LYST: variants seen among roughly 807,000 people sequenced by gnomAD.
The protein encoded by LYST is lysosomal trafficking regulator.
A neutral mutation model predicts 413.6 loss-of-function variants in LYST; 192 were observed. That is an observed-to-expected ratio of 0.46 (90% CI 0.41 to 0.52). The LOEUF (loss-of-function observed/expected upper bound fraction) is 0.52, where lower values mean the gene tolerates loss of function less well. LYST is among the 20% of genes least tolerant of loss of function. LYST has a pLI of 0.00. For synonymous variants in LYST, 1,525 were observed against 1,567.3 expected (o/e 0.97, Z 0.64); for missense variants, 3,815 against 4,499.9 (o/e 0.85, Z 4.35).
chr1:235,812,264 G>A (rs1455202056), intron 4 of LYST, among the ~76,000 whole-genome samples: 1 of 152,104 alleles, frequency 6.6e-6, no homozygotes, highest in Non-Finnish European at 1.5e-5. Flanking sequence ...AGCACTTTGG[G>A]AGGCTGTGGT....
At chr1:235,821,774 T>C (rs1402403140) in intron 3 of LYST, among the ~76,000 whole-genome samples, 2 of 152,256 alleles carry the variant, frequency 1.3e-5, no homozygotes, top group Non-Finnish European at 2.9e-5. Context: ...AACAAGTCAA[T>C]GGCAACAGGA....
intron 44 of LYST, among the ~76,000 whole-genome samples, chr1:235,708,056 G>GT (rs1662123638): frequency 6.6e-6 from 1 of 152,068 alleles, no homozygotes; most frequent in Admixed American, 6.5e-5. Flanking sequence ...TCTACCTATA[G>GT]TAAGTAGCCA....
At chr1:235,663,207 C>T (rs1658175031) in intron 52 of LYST, 129 bp from the exon 53 acceptor site, 1 of 698,430 alleles carries the variant, frequency 1.4e-6, no homozygotes, top group Non-Finnish European at 2.6e-6. Flanking sequence ...AACTAAATGA[C>T]TGCCTACAAC....
chr1:235,821,190 C>A (rs998590714), intron 3 of LYST, among the ~76,000 whole-genome samples: 2 of 152,198 alleles, frequency 1.3e-5, no homozygotes, highest in Admixed American at 6.5e-5. Flanking sequence ...ACAATCCCAG[C>A]ACTTTGGGAG....
At chr1:235,745,018 C>T (rs1166454475) in intron 29 of LYST, among the ~76,000 whole-genome samples, 1 of 151,848 alleles carries the variant, frequency 6.6e-6, no homozygotes, top group Admixed American at 6.6e-5. Flanking sequence ...CTGTCTTCCT[C>T]GGGTTACCTG....
intron 2 of LYST, among the ~76,000 whole-genome samples, chr1:235,831,198 T>G (rs1229372205): frequency 6.6e-6 from 1 of 152,150 alleles, no homozygotes; most frequent in Non-Finnish European, 1.5e-5. Flanking sequence ...ATAAGACATG[T>G]ATTGCCTCAC....
At position 235,810,685 on chromosome 1, in the gene LYST, T is replaced by C. The variant is rs538682312; in HGVS notation, c.284-151A>G. 26 of 685,088 alleles carry C rather than the reference T, an allele frequency of 3.8e-5. No homozygotes were observed. The South Asian group carries it at 4.1e-4, about 11-fold the overall frequency. 42.4% of individuals were successfully genotyped at this position (685,088 alleles called of 1,614,324 possible). On this transcript the variant is annotated intron_variant, in intron 4 of 52. Coordinates refer to ENST00000389793, the MANE Select transcript of LYST (RefSeq NM_000081.4). Reference sequence around the variant, plus strand: ...GGGCTGATTTCCTTCATTTATGTCATATCTCTGGGTTACCTCCTCTCACAC... The same window carrying C: ...GGGCTGATTTCCTTCATTTATGTCACATCTCTGGGTTACCTCCTCTCACAC...
intron 19 of LYST, among the ~76,000 whole-genome samples, chr1:235,771,913 G>GTTTTTTTTTT (rs1187587312): frequency 2.1e-4 from 20 of 95,174 alleles, no homozygotes; most frequent in African/African-American, 3.4e-4. Flanking sequence ...AGGTTTTTTA[G>GTTTTTTTTTT]TTTGTTTTTT....
At chr1:235,816,470 TAA>T (rs199654567) in intron 3 of LYST, among the ~76,000 whole-genome samples, 1 of 138,426 alleles carries the variant, frequency 7.2e-6, no homozygotes. Flanking sequence ...AAAATAAAAA[TAA>T]AAAAAAAAAG....
Position 235,755,403 on chromosome 1 carries a change from G to T in LYST, c.7229+75C>A, listed in dbSNP as rs1666930440. On this transcript the variant is annotated intron_variant, in intron 25 of 52. Transcript: ENST00000389793. ...GACTCCGTCTCAAAAGAAAAGAAAA[G>T]AAAAGAAAAGAAAAGAAAAGAAAAG... 3 of 1,242,212 alleles carry T rather than the reference G, an allele frequency of 2.4e-6. No homozygotes were observed. In the Admixed American group the frequency reaches 5.2e-5, roughly 22 times the overall value. The allele number at this position is 1,242,212 out of a possible 1,614,324, so 76.9% of individuals were successfully genotyped here. A position where few individuals can be genotyped will look rare whatever the true frequency, so the allele number is the denominator to read the frequency against.
chr1:235,868,438 T>C (rs1352036218), upstream of LYST, among the ~76,000 whole-genome samples: 1 of 152,190 alleles, frequency 6.6e-6, no homozygotes, highest in Non-Finnish European at 1.5e-5. Context: ...TATTTATACA[T>C]CAACTTTCAC....
At chr1:235,849,173 T>C (rs1678235494) in intron 1 of LYST, among the ~76,000 whole-genome samples, 1 of 152,120 alleles carries the variant, frequency 6.6e-6, no homozygotes, top group South Asian at 2.1e-4. Context: ...TCCACCATGA[T>C]CAAGTGGGTT....
intron 31 of LYST, 34 bp downstream of exon 31, chr1:235,741,388 G>T: frequency 6.6e-7 from 1 of 1,513,042 alleles, no homozygotes; most frequent in Non-Finnish European, 9.2e-7. Flanking sequence ...TTCACCAAAC[G>T]TTTTACTTCT....
chr1:235,687,025 G>A lies in LYST; in HGVS notation c.10724C>T (p.Pro3575Leu). Residue 3575 changes from proline to leucine, a missense_variant, in exon 48 of 53, where the codon CCT becomes CTT. This residue lies in a region of LYST where 866 missense variants were observed against 1,156.0 expected (regional missense o/e 0.75). Transcript: ENST00000389793. ...QYQVTSCAWV[P>L]DSCQLFTGSK... is the part of the protein sequence containing the mutation. Reference sequence around the variant, plus strand: ...TCCAGTAAACAGCTGGCAACTGTCAGGCACCCAAGCACAACTAGTCACCTT... The same window carrying A: ...TCCAGTAAACAGCTGGCAACTGTCAAGCACCCAAGCACAACTAGTCACCTT... 1 of 1,613,730 alleles carries A rather than the reference G, an allele frequency of 6.2e-7. No homozygotes were observed. The highest frequency in any genetic ancestry group is 8.5e-7 in the Non-Finnish European group (1 of 1,179,766).
rs551813790 is a variant in LYST, at chr1:235,856,928, C to T, written c.-98+9915G>A. On this transcript the variant is annotated intron_variant, in intron 1 of 52. Coordinates refer to ENST00000389793, the MANE Select transcript of LYST (RefSeq NM_000081.4). ...ATATAAGCAGCTCTTACAAGTTACA[C>T]AGGATATACTGATTTTTTTTTTTTT... Among the ~76,000 whole-genome samples the T allele has an allele frequency of 2.0e-5, 3 of 146,798 alleles. No individual in the cohort carries two copies. In the South Asian group the frequency reaches 6.4e-4, roughly 31 times the overall value.
At chr1:235,799,317 A>G in intron 10 of LYST, among the ~76,000 whole-genome samples, 1 of 152,158 alleles carries the variant, frequency 6.6e-6, no homozygotes. Flanking sequence ...AATGAGAAAA[A>G]GTACATTTAC....
At chr1:235,699,466 T>C (rs146447697) in intron 45 of LYST, among the ~76,000 whole-genome samples, 2,016 of 152,316 alleles carry the variant, frequency 0.013, 49 homozygotes, top group African/African-American at 0.045. Context: ...ATTTTCTTTA[T>C]CTAGTCTATC....
chr1:235,725,534 T>G (rs1332873575), intron 38 of LYST, among the ~76,000 whole-genome samples: 1 of 152,156 alleles, frequency 6.6e-6, no homozygotes, highest in African/African-American at 2.4e-5. Flanking sequence ...AAAGCCTCTC[T>G]CTGAGAATTC....
At chr1:235,672,463 G>T (rs931320880) in intron 50 of LYST, among the ~76,000 whole-genome samples, 3 of 152,158 alleles carry the variant, frequency 2.0e-5, no homozygotes, top group Admixed American at 6.6e-5. Context: ...GCCACCAGAA[G>T]AAAGTGTTTC....
Sources: allele counts gnomAD v4.1 joint callset (sites outside exome capture counted in the v4.1 genomes callset), GRCh38; gene constraint gnomAD v4.1.1; regional missense constraint gnomAD v4.1.1; transcripts MANE v1.5; gene names NCBI Gene and HGNC (gene_info 2026-07-23, HGNC 2026-07-21).